Variants in APOB observed in about 807,000 individuals in gnomAD.
The protein encoded by APOB is apolipoprotein B-100.
Under a neutral mutation model 314.1 loss-of-function variants are expected in APOB, and 153 were observed. The ratio of observed to expected loss-of-function variants is 0.49; its 90% confidence interval spans 0.43 to 0.56. APOB has a LOEUF of 0.56. Ranked by LOEUF, APOB falls within the 20% of genes least tolerant of loss-of-function variation. The pLI is 0.00. For synonymous variants in APOB, 2,087 were observed against 2,036.4 expected (o/e 1.02, Z -0.67); for missense variants, 5,430 against 5,350.7 (o/e 1.01, Z -0.46).
chr2:21,004,314 A>T lies in APOB; in HGVS notation c.12042T>A (p.Asp4014Glu). The T allele has an allele frequency of 6.2e-7, 1 of 1,613,994 alleles. No individual in the cohort carries two copies. Among genetic ancestry groups the T allele is most frequent in the Non-Finnish European group, 8.5e-7 (1 of 1,179,914 alleles). ...PAVGTVGMDMDEDDDFSKWNF... is the reference protein window; with the variant it reads ...PAVGTVGMDMEEDDDFSKWNF... ...TCCATTTAGAAAAGTCGTCATCTTC[A>T]TCCATATCCATGCCCACGGTGCCTA... The change falls in exon 28 of 29, where the codon GAT (aspartate) becomes GAA (glutamate). Residue 4014 changes from aspartate (D) to glutamate (E), a missense_variant. Physicochemically the swap from Asp to Glu is conservative, Grantham distance 45 (BLOSUM62 2). Coordinates refer to ENST00000233242, the MANE Select transcript of APOB (RefSeq NM_000384.3).
At position 21,018,978 on chromosome 2, in the gene APOB, T is replaced by G. The variant is rs1572790362; in HGVS notation, c.3121+14A>C. 1.2e-6 allele frequency: 2 copies of G among 1,614,004 alleles called. No individual in the cohort carries two copies. Among genetic ancestry groups the G allele is most frequent in the South Asian group, 2.2e-5 (2 of 91,082 alleles). On this transcript the variant is annotated intron_variant, in intron 20 of 28. Transcript: ENST00000233242. ...TGCGAGCAGAGATGAGGCAGCTGTG[T>G]TTTGAATACTCACCTTCTGCTTGAG...
Position 21,010,169 on chromosome 2 carries a change from A to C in APOB, c.6699T>G (p.Ile2233Met), listed in dbSNP as rs1663266581. The C allele has an allele frequency of 6.2e-7, 1 of 1,601,566 alleles. No homozygotes were observed. The highest frequency in any genetic ancestry group is 8.5e-7 in the Non-Finnish European group (1 of 1,171,178). The change falls in exon 26 of 29, where the codon ATT (isoleucine) becomes ATG (methionine). Residue 2233 changes from isoleucine (I) to methionine (M), a missense_variant. Around this residue, in one of 3 missense-constraint regions of APOB, gnomAD observed 3,281 missense variants for 3,171.0 expected, o/e 1.03. Transcript: ENST00000233242. ...CACTTTTGTTAAAATCAATATTTTC[A>C]ATAAACAAATGTAGATCATGGATTG... ...VKTIHDLHLFIENIDFNKSGS... is the reference protein window; with the variant it reads ...VKTIHDLHLFMENIDFNKSGS...
Position 21,011,988 on chromosome 2 carries a change from T to C in APOB, c.4880A>G (p.Asn1627Ser). The change falls in exon 26 of 29, where the codon AAT (asparagine) becomes AGT (serine). Residue 1627 changes from asparagine (N) to serine (S), a missense_variant. Coordinates refer to ENST00000233242, the MANE Select transcript of APOB (RefSeq NM_000384.3). ...GSLNSHGLEL[N>S]ADILGTDKIN... ...TTTGTCAGTGCCTAAGATGTCAGCA[T>C]TTAACTCAAGACCATGGGAATTTAG... 4.3e-6 allele frequency: 7 copies of C among 1,614,168 alleles called. No homozygotes were observed. The highest frequency in any genetic ancestry group is 1.3e-5 in the African/African-American group (1 of 75,048).
At chr2:21,035,508 G>A in intron 7 of APOB, 76 bp downstream of exon 7, 1 of 1,587,414 alleles carries the variant, frequency 6.3e-7, no homozygotes, top group Non-Finnish European at 8.6e-7. Context: ...GGTTTGCCTG[G>A]AACAGAGCAC....
rs1426315190 is a variant in APOB, at chr2:21,005,864, G to T, written c.11004C>A (p.His3668Gln). The T allele has an allele frequency of 6.2e-7, 1 of 1,613,830 alleles. No individual in the cohort carries two copies. The highest frequency in any genetic ancestry group is 1.1e-5 in the South Asian group (1 of 91,068). The change falls in exon 26 of 29, where the codon CAC becomes CAA. Residue 3668 changes from histidine (H) to glutamine (Q), a missense_variant. Coordinates refer to ENST00000233242, the MANE Select transcript of APOB (RefSeq NM_000384.3). ...HLDIAGSLEGHLRFLKNIILP... is the reference protein window; with the variant it reads ...HLDIAGSLEGQLRFLKNIILP... ...GGATGATATTTTTGAGGAACCTTAG[G>T]TGTCCTTCTAAGGATCCTGCAATGT...
Position 21,037,138 on chromosome 2 carries a change from G to A in APOB, c.655C>T (p.Arg219Cys), listed in dbSNP as rs145661815. Residue 219 changes from arginine (R) to cysteine (C), a missense_variant, in exon 6 of 29, where the codon CGC (arginine) becomes TGC (cysteine). This residue lies in a region of APOB where 2,085 missense variants were observed against 2,079.7 expected (regional missense o/e 1.00). Transcript: ENST00000233242. ...AGAGCAAGTGGGCTGATGCCTGTGC[G>A]GATGGGCTTGAAGCGATCACACTGC... is the stretch of plus-strand genomic sequence containing the variant. ...LGQCDRFKPIRTGISPLALIK... is the reference protein window; with the variant it reads ...LGQCDRFKPICTGISPLALIK... 1.8e-5 allele frequency: 29 copies of A among 1,614,104 alleles called. No homozygotes were observed. Among genetic ancestry groups the A allele is most frequent in the South Asian group, 1.2e-4 (11 of 91,082 alleles).
chr2:21,006,076 C>T lies in APOB; in HGVS notation c.10792G>A (p.Ala3598Thr), dbSNP rs752017530. 1 of 1,614,014 alleles carries T rather than the reference C, an allele frequency of 6.2e-7. No homozygotes were observed. Among genetic ancestry groups the T allele is most frequent in the Admixed American group, 1.7e-5 (1 of 59,972 alleles). The change falls in exon 26 of 29, where the codon GCT becomes ACT. Residue 3598 changes from alanine to threonine, a missense_variant. Physicochemically the swap from Ala to Thr is moderately conservative, Grantham distance 58 (BLOSUM62 0). Transcript: ENST00000233242. Reference sequence around the variant, plus strand: ...TGACTTGCATGGACCTGAACAAGAGCTGACATTTGCCATGGAGAGAGTTCC... The same window carrying T: ...TGACTTGCATGGACCTGAACAAGAGTTGACATTTGCCATGGAGAGAGTTCC... ...TLELSPWQMS[A>T]LVQVHASQPS...
At chr2:21,017,226 G>A (rs558444089) in intron 20 of APOB, among the ~76,000 whole-genome samples, 3 of 151,788 alleles carry the variant, frequency 2.0e-5, no homozygotes, top group Non-Finnish European at 2.9e-5. Flanking sequence ...AAGTCTTTAT[G>A]GATTGCCTGT....
rs548604456 is a variant in APOB, at chr2:21,034,936, G to A, written c.819-35C>T. 3.9e-6 allele frequency: 4 copies of A among 1,016,676 alleles called. No individual in the cohort carries two copies. The African/African-American group carries it at 6.3e-5, about 16-fold the overall frequency. 63.0% of individuals were successfully genotyped at this position (1,016,676 alleles called of 1,614,324 possible). A position where few individuals can be genotyped will look rare whatever the true frequency, so the allele number is the denominator to read the frequency against. ...AAGGAAGCACACCATGTCACGGATG[G>A]CCAGAACATACTATTCTTTCCATGT... On this transcript the variant is annotated intron_variant, in intron 7 of 28. Transcript: ENST00000233242.
chr2:21,003,624 G>C (rs1255154725), intron 28 of APOB, among the ~76,000 whole-genome samples: 2 of 152,184 alleles, frequency 1.3e-5, no homozygotes, highest in African/African-American at 4.8e-5. Flanking sequence ...CTGAAAACTG[G>C]AAGAGGAGTG....
Position 21,001,448 on chromosome 2 carries a change from T to C in APOB, c.*282A>G. The C allele has an allele frequency of 2.5e-6, 1 of 403,934 alleles. No homozygotes were observed. The highest frequency in any genetic ancestry group is 4.5e-6 in the Non-Finnish European group (1 of 223,038). The allele number at this position is 403,934 out of a possible 1,614,324, so 25.0% of individuals were successfully genotyped here. On this transcript the variant is annotated 3_prime_UTR_variant, in exon 29 of 29. Transcript: ENST00000233242. ...CAGTGGTATGATACACAATAAAGAC[T>C]CCATTTATTTGTTCCTCCTCCCCCA...
chr2:21,031,705 C>T (rs1312141506), intron 10 of APOB, among the ~76,000 whole-genome samples: 1 of 151,970 alleles, frequency 6.6e-6, no homozygotes, highest in African/African-American at 2.4e-5. Flanking sequence ...AAAAATTAGC[C>T]AGGGCATGGT....
intron 8 of APOB, among the ~76,000 whole-genome samples, chr2:21,033,841 T>C (rs12720832): frequency 1.7e-3 from 257 of 152,304 alleles, no homozygotes; most frequent in South Asian, 2.5e-3. Flanking sequence ...GACAAAGAGA[T>C]GAGACCCAGA....
rs755147483 is a variant in APOB at position 21,009,757 on chromosome 2, T to C, written c.7111A>G (p.Lys2371Glu). ...TTGCTTAGCTTCTGAATAGTCTCCT[T>C]CAACTTGTATTGGTGGGCCAACTCT... Reference protein sequence around the residue: ...LVELAHQYKLKETIQKLSNVL... With the variant: ...LVELAHQYKLEETIQKLSNVL... The change falls in exon 26 of 29, where the codon AAG becomes GAG. Residue 2371 changes from lysine (K) to glutamate (E), a missense_variant. This residue lies in a region of APOB where 3,281 missense variants were observed against 3,171.0 expected (regional missense o/e 1.03). Coordinates refer to ENST00000233242, the MANE Select transcript of APOB (RefSeq NM_000384.3). 3.1e-6 allele frequency: 5 copies of C among 1,614,008 alleles called. No homozygotes were observed. Among genetic ancestry groups the C allele is most frequent in the Non-Finnish European group, 4.2e-6 (5 of 1,179,964 alleles).
In APOB at chr2:21,011,124, C is replaced by T; in HGVS notation, c.5744G>A (p.Gly1915Glu). The change falls in exon 26 of 29, where the codon GGG (glycine) becomes GAG (glutamate). Residue 1915 changes from glycine (G) to glutamate (E), a missense_variant. This residue lies in a region of APOB where 3,281 missense variants were observed against 3,171.0 expected (regional missense o/e 1.03). Transcript: ENST00000233242. The part of the protein sequence containing the change: ...MTIDAHTNGN[G>E]KLALWGEHTG... ...ATGTTCTCCCCAGAGAGCGAGTTTCCCATTGCCATTTGTATGTGCATCGAT... is the reference window on the plus strand; with the variant it reads ...ATGTTCTCCCCAGAGAGCGAGTTTCTCATTGCCATTTGTATGTGCATCGAT... 6 of 1,614,176 alleles carry T rather than the reference C, an allele frequency of 3.7e-6. No individual in the cohort carries two copies. The highest frequency in any genetic ancestry group is 5.1e-6 in the Non-Finnish European group (6 of 1,180,016).
chr2:21,005,140 C>G lies in APOB; in HGVS notation c.11728G>C (p.Glu3910Gln). 6.2e-7 allele frequency: 1 copy of G among 1,613,994 alleles called. No homozygotes were observed. Residue 3910 changes from glutamate (E) to glutamine (Q), a missense_variant, in exon 26 of 29, where the codon GAA (glutamate) becomes CAA (glutamine). By Grantham distance (29) the Glu-to-Gln change is conservative. Around this residue, in one of 3 missense-constraint regions of APOB, gnomAD observed 3,281 missense variants for 3,171.0 expected, o/e 1.03. Coordinates refer to ENST00000233242, the MANE Select transcript of APOB (RefSeq NM_000384.3). The part of the protein sequence containing the change: ...ASLKNKADYV[E>Q]TVLDSTCSST... ...CTGCATGTGGAATCCAGGACTGTTT[C>G]AACATAATCTGCTTTGTTTTTCAAA...
In APOB at chr2:21,014,606, A is replaced by G; in HGVS notation, c.3697-13T>C. ...ATGAGCTCATTGCCTACAAAATGAC[A>G]GGAGATTTTTAAGGTAATGGGCTTG... On this transcript the variant is annotated splice_polypyrimidine_tract_variant and intron_variant, in intron 23 of 28. Transcript: ENST00000233242. The G allele has an allele frequency of 6.2e-7, 1 of 1,614,012 alleles. No homozygotes were observed. The highest frequency in any genetic ancestry group is 8.5e-7 in the Non-Finnish European group (1 of 1,179,878).
intron 24 of APOB, among the ~76,000 whole-genome samples, chr2:21,014,198 A>G (rs1267763632): frequency 6.6e-6 from 1 of 152,220 alleles, no homozygotes; most frequent in Non-Finnish European, 1.5e-5. Context: ...AACAGGTTGT[A>G]CTGAATAAAA....
At position 21,008,972 on chromosome 2, in the gene APOB, G is replaced by C; in HGVS notation, c.7896C>G (p.Asn2632Lys). The change falls in exon 26 of 29, where the codon AAC becomes AAG. Residue 2632 changes from asparagine to lysine, a missense_variant. Asn to Lys is a moderately conservative substitution (Grantham distance 94). This residue lies in a region of APOB where 3,281 missense variants were observed against 3,171.0 expected (regional missense o/e 1.03). Coordinates refer to ENST00000233242, the MANE Select transcript of APOB (RefSeq NM_000384.3). ...TTTTTATATTTTTTAAGTCTTTGAA[G>C]TTTATCTGAACTGATGGAATCCTCA... Reference protein sequence around the residue: ...TDLRIPSVQINFKDLKNIKIP... With the variant: ...TDLRIPSVQIKFKDLKNIKIP... 1 of 1,614,000 alleles carries C rather than the reference G, an allele frequency of 6.2e-7. No homozygotes were observed. The highest frequency in any genetic ancestry group is 8.5e-7 in the Non-Finnish European group (1 of 1,179,938).
Sources: allele counts gnomAD v4.1 joint callset (sites outside exome capture counted in the v4.1 genomes callset), GRCh38; gene constraint gnomAD v4.1.1; regional missense constraint gnomAD v4.1.1; transcripts MANE v1.5; gene names NCBI Gene and HGNC (gene_info 2026-07-23, HGNC 2026-07-21).